Variants in GNE observed in about 807,000 individuals in gnomAD.
The protein encoded by GNE is bifunctional UDP-N-acetylglucosamine 2-epimerase/N-acetylmannosamine kinase.
In GNE, 41 loss-of-function variants were observed where a neutral mutation model predicts 61.8. The observed-to-expected ratio is 0.66, with a 90% confidence interval of 0.52 to 0.86. The LOEUF is 0.86. Among genes scored for constraint, GNE ranks in the 40% least tolerant of loss-of-function variants. GNE has a pLI of 0.00. For missense variants in GNE, 608 were observed against 909.1 expected (o/e 0.67, Z 4.26); for synonymous variants, 264 against 326.4 (o/e 0.81, Z 2.06).
chr9:36,226,732 ATTT>A (rs1563932810), intron 7 of GNE, among the ~76,000 whole-genome samples: 1 of 152,202 alleles, frequency 6.6e-6, no homozygotes, highest in Non-Finnish European at 1.5e-5. Context: ...ACAGTTTGTT[ATTT>A]TTATGAATGT....
chr9:36,229,043 G>T lies in GNE; in HGVS notation c.1048C>A (p.Gln350Lys). The change falls in exon 6 of 12, where the codon CAG becomes AAG. Residue 350 changes from glutamine (Q) to lysine (K), a missense_variant. Transcript: ENST00000642385. ...QDKILQALHLQFGKQYPCSKI... is the reference protein window; with the variant it reads ...QDKILQALHLKFGKQYPCSKI... ...CACCAAGGGTACTGTTTACCAAACT[G>T]AAGGTGCAGTGCTTGCAATATTTTG... 1 of 1,605,792 alleles carries T rather than the reference G, an allele frequency of 6.2e-7. No individual in the cohort carries two copies. The highest frequency in any genetic ancestry group is 8.5e-7 in the Non-Finnish European group (1 of 1,172,500).
rs1351940409 is a variant in GNE at position 36,228,164 on chromosome 9, TAAA to T, written c.1071-709_1071-707del. On this transcript the variant is annotated intron_variant, in intron 6 of 11. Transcript: ENST00000642385. Reference sequence around the variant, plus strand: ...ACAATTTTATCTGTCAATTAAAAGTTAAAAACTATAAATCATAATTATACAGAA... The same window carrying T: ...ACAATTTTATCTGTCAATTAAAAGTTAACTATAAATCATAATTATACAGAA... Among the ~76,000 whole-genome samples the T allele has an allele frequency of 7.9e-5, 12 of 151,862 alleles. No homozygotes were observed. In the South Asian group the frequency reaches 1.2e-3, roughly 16 times the overall value.
rs1458683152 is a variant in GNE at position 36,258,232 on chromosome 9, G to C, written c.-43+89C>G. Reference sequence around the variant, plus strand: ...GGTGGGGTGGAAAGCGGCCGGGGAGGGGAGGCCTGGGGCAGGAGGCCGGGG... The same window carrying C: ...GGTGGGGTGGAAAGCGGCCGGGGAGCGGAGGCCTGGGGCAGGAGGCCGGGG... On this transcript the variant is annotated intron_variant, in intron 1 of 11. Transcript: ENST00000642385. The C allele has an allele frequency of 4.1e-6, 3 of 740,138 alleles. No individual in the cohort carries two copies. The African/African-American group carries it at 5.7e-5, about 14-fold the overall frequency. 45.8% of individuals were successfully genotyped at this position (740,138 alleles called of 1,614,324 possible). A position where few individuals can be genotyped will look rare whatever the true frequency, so the allele number is the denominator to read the frequency against.
At chr9:36,270,096 G>A (rs1830966783) in intron 1 of GNE, among the ~76,000 whole-genome samples, 1 of 152,006 alleles carries the variant, frequency 6.6e-6, no homozygotes, top group Non-Finnish European at 1.5e-5. Flanking sequence ...CAAGTAGCTG[G>A]GACTTAAAGC....
chr9:36,270,521 T>G lies in GNE; in HGVS notation c.51+6373A>C, dbSNP rs1440618215. ...TGAGACAGGAGGATTTCTTTCTTTT[T>G]TTTTTTTTTTTTTTGAGACGGAGTC... On this transcript the variant is annotated intron_variant, in intron 1 of 11. Transcript: ENST00000396594. Among the ~76,000 whole-genome samples, 4 of 147,858 alleles carry G rather than the reference T, an allele frequency of 2.7e-5. No homozygotes were observed. In the South Asian group the frequency reaches 8.5e-4, roughly 32 times the overall value.
At chr9:36,231,287 A>G (rs142902619) in intron 5 of GNE, among the ~76,000 whole-genome samples, 7 of 152,250 alleles carry the variant, frequency 4.6e-5, no homozygotes, top group Non-Finnish European at 8.8e-5. Flanking sequence ...CAACAAAGCA[A>G]GACCCTGTCT....
chr9:36,234,779 G>A (rs909576585), intron 4 of GNE, among the ~76,000 whole-genome samples: 1 of 152,082 alleles, frequency 6.6e-6, no homozygotes, highest in African/African-American at 2.4e-5. Context: ...TGGTTAGAAG[G>A]CAGAGGTCTG....
Position 36,218,966 on chromosome 9 carries a change from C to T in GNE, c.1817-667G>A, listed in dbSNP as rs186127531. Among the ~76,000 whole-genome samples the T allele has an allele frequency of 6.6e-6, 1 of 152,280 alleles. No individual in the cohort carries two copies. Among genetic ancestry groups the T allele is most frequent in the African/African-American group, 2.4e-5 (1 of 41,548 alleles). On this transcript the variant is annotated intron_variant, in intron 10 of 11. Coordinates refer to ENST00000642385, the MANE Select transcript of GNE (RefSeq NM_005476.7). The surrounding 1 kb of genome is among the most constrained non-coding windows in gnomAD (Gnocchi z 4.1). ...TTATCTGTAGTCCTTGTCTTCTGCC[C>T]GTCACCAACTCAGATCAATCTGCCT...
chr9:36,249,452 A>C (rs753264248), intron 1 of GNE, 55 bp from the exon 2 acceptor site: 11 of 1,119,326 alleles, frequency 9.8e-6, no homozygotes, highest in African/African-American at 1.6e-5. Flanking sequence ...GATATAACTA[A>C]ACTTTAAACT....
Position 36,227,428 on chromosome 9 carries a change from A to C in GNE, c.1101T>G (p.Val367=). 1 of 1,611,456 alleles carries C rather than the reference A, an allele frequency of 6.2e-7. No homozygotes were observed. Among genetic ancestry groups the C allele is most frequent in the Non-Finnish European group, 8.5e-7 (1 of 1,177,544 alleles). Residue 367 remains valine, a synonymous_variant, in exon 7 of 12, where the codon GTT becomes GTG. Coordinates refer to ENST00000642385, the MANE Select transcript of GNE (RefSeq NM_005476.7). ...CSKIYGDGNA[V]PRILKFLKSI... is the part of the protein sequence containing the mutation. ...ATTTGAGAAACTTCAAAATCCTTGG[A>C]ACAGCATTTCCATCCCCATATATCT...
intron 5 of GNE, 49 bp downstream of exon 5, chr9:36,233,871 C>T (rs772199343): frequency 7.4e-7 from 1 of 1,342,878 alleles, no homozygotes; most frequent in East Asian, 2.3e-5. Context: ...TATAACAACT[C>T]ACGTATGTAT....
In GNE at chr9:36,236,928, C is replaced by A; in HGVS notation, c.673G>T (p.Asp225Tyr). The A allele has an allele frequency of 1.2e-6, 2 of 1,610,938 alleles. No homozygotes were observed. Among genetic ancestry groups the A allele is most frequent in the Non-Finnish European group, 1.7e-6 (2 of 1,177,156 alleles). ...IVALQHPVTT[D>Y]IKHSIKMFEL... ...AACATTTTTATGGAATGCTTAATGTCAGTGGTCACAGGGTGCTGTAGTGCA... is the reference window on the plus strand; with the variant it reads ...AACATTTTTATGGAATGCTTAATGTAAGTGGTCACAGGGTGCTGTAGTGCA... Residue 225 changes from aspartate (D) to tyrosine (Y), a missense_variant, in exon 4 of 12, where the codon GAC becomes TAC. Asp to Tyr is a radical substitution (Grantham distance 160, BLOSUM62 -3). Coordinates refer to ENST00000642385, the MANE Select transcript of GNE (RefSeq NM_005476.7).
chr9:36,274,207 C>T (rs185658254), intron 1 of GNE, among the ~76,000 whole-genome samples: 30 of 151,948 alleles, frequency 2.0e-4, no homozygotes, highest in Non-Finnish European at 1.5e-5. Context: ...GCTATCCTCT[C>T]CCCTCAGCCA....
At chr9:36,258,606 A>G, upstream of GNE, 6 of 738,280 alleles carry the variant, frequency 8.1e-6, no homozygotes, top group Non-Finnish European at 9.9e-6. Context: ...TTTGAGGCGC[A>G]GGCAGGGTGC....
At chr9:36,272,661 G>A (rs1831077602) in intron 1 of GNE, among the ~76,000 whole-genome samples, 1 of 150,074 alleles carries the variant, frequency 6.7e-6, no homozygotes, top group African/African-American at 2.4e-5. Flanking sequence ...ACAGAAGATG[G>A]ATTGGGAAGA....
chr9:36,252,281 G>C (rs1011277082), intron 1 of GNE, among the ~76,000 whole-genome samples: 1 of 152,044 alleles, frequency 6.6e-6, no homozygotes, highest in African/African-American at 2.4e-5. Flanking sequence ...CACCGCACGT[G>C]GCCGCACTAT....
rs1828235172 is a variant in GNE, at chr9:36,215,560, CCTCT to C, written c.*1801_*1804del. 4 of 152,186 alleles carry C rather than the reference CCTCT, an allele frequency of 2.6e-5. No homozygotes were observed. In the South Asian group the frequency reaches 6.2e-4, roughly 24 times the overall value. The allele number at this position is 152,186 out of a possible 1,614,324, so 9.4% of individuals were successfully genotyped here. Reference sequence around the variant, plus strand: ...AGCACAGAGGGACCTGGGATCAAACCCTCTCTCTAGCCCCATAGCTTAACAGTCA... The same window carrying C: ...AGCACAGAGGGACCTGGGATCAAACCCTCTAGCCCCATAGCTTAACAGTCA... On this transcript the variant is annotated 3_prime_UTR_variant, in exon 12 of 12. Transcript: ENST00000642385.
Position 36,218,162 on chromosome 9 carries a change from C to T in GNE, c.1933+21G>A, listed in dbSNP as rs1563926864. On this transcript the variant is annotated intron_variant, in intron 11 of 11. Coordinates refer to ENST00000642385, the MANE Select transcript of GNE (RefSeq NM_005476.7). The surrounding 1 kb of genome is among the most constrained non-coding windows in gnomAD (Gnocchi z 4.1). ...CTGAGGCCACCCCCTGCAGCACAGC[C>T]ACCTGCAGCCACATGCTCACCTGTT... The T allele has an allele frequency of 1.3e-6, 2 of 1,525,926 alleles. No individual in the cohort carries two copies. Among genetic ancestry groups the T allele is most frequent in the Non-Finnish European group, 9.1e-7 (1 of 1,099,434 alleles). The allele number at this position is 1,525,926 out of a possible 1,614,324, so 94.5% of individuals were successfully genotyped here.
At chr9:36,266,801 C>A (rs575681947) in intron 1 of GNE, among the ~76,000 whole-genome samples, 1 of 151,932 alleles carries the variant, frequency 6.6e-6, no homozygotes, top group African/African-American at 2.4e-5. Flanking sequence ...CCCAGCTACT[C>A]GGGAGGCTGA....
Sources: allele counts gnomAD v4.1 joint callset (sites outside exome capture counted in the v4.1 genomes callset), GRCh38; gene constraint gnomAD v4.1.1; non-coding constraint Gnocchi (gnomAD v3.1); transcripts MANE v1.5; gene names NCBI Gene and HGNC (gene_info 2026-07-23, HGNC 2026-07-21).